The following ARSA variants were observed in gnomAD, a reference collection of about 807,000 sequenced individuals.
ARSA encodes cerebroside-sulfatase.
A neutral mutation model predicts 37.8 loss-of-function variants in ARSA; 32 were observed. The ratio of observed to expected loss-of-function variants is 0.85; its 90% confidence interval spans 0.64 to 1.14. The LOEUF is 1.14. ARSA is among the 50% of genes most tolerant of loss of function. The pLI, the probability that ARSA is intolerant of heterozygous loss-of-function variation, is 0.00. For synonymous variants in ARSA, 303 were observed against 303.4 expected (o/e 1.00, Z 0.01); for missense variants, 685 against 686.3 (o/e 1.00, Z 0.02).
rs1385065577 is a variant in ARSA, at chr22:50,626,849, C to T, written c.669G>A (p.Leu223=). 2 of 1,613,472 alleles carry T rather than the reference C, an allele frequency of 1.2e-6. No individual in the cohort carries two copies. The highest frequency in any genetic ancestry group is 1.7e-6 in the Non-Finnish European group (2 of 1,179,784). ...GATCACTTACGTGAGAGGCATAGTACAGGAAGAAGGGGCGATCCTGGCGCT... is the reference window on the plus strand; with the variant it reads ...GATCACTTACGTGAGAGGCATAGTATAGGAAGAAGGGGCGATCCTGGCGCT... ...DAQRQDRPFF[L]YYASHHTHYP... Residue 223 remains leucine, a synonymous_variant, in exon 3 of 8, where the codon CTG becomes CTA. Transcript: ENST00000216124.
rs2146717525 is a variant in ARSA at position 50,625,562 on chromosome 22, C to G, written c.1210+17G>C. On this transcript the variant is annotated intron_variant, in intron 7 of 7. Transcript: ENST00000216124. Reference sequence around the variant, plus strand: ...GGGTCAGCAGGTCGGGGGGAGGGATCCACGGGGAGGGGTTACCCTGGGTGA... The same window carrying G: ...GGGTCAGCAGGTCGGGGGGAGGGATGCACGGGGAGGGGTTACCCTGGGTGA... The G allele has an allele frequency of 6.2e-7, 1 of 1,612,058 alleles. No homozygotes were observed. The highest frequency in any genetic ancestry group is 2.2e-5 in the East Asian group (1 of 44,850).
chr22:50,626,493 C>T, intron 4 of ARSA, 98 bp downstream of exon 4: 3 of 1,572,004 alleles, frequency 1.9e-6, no homozygotes, highest in Non-Finnish European at 2.6e-6. Flanking sequence ...CCTGGCACCC[C>T]CTCACCCACT....
At chr22:50,626,569 C>T (rs377655776) in intron 4 of ARSA, 22 bp downstream of exon 4, 4 of 1,610,872 alleles carry the variant, frequency 2.5e-6, no homozygotes, top group African/African-American at 2.7e-5. Flanking sequence ...GGCCGGAGCA[C>T]CCAGCTGCCC....
In ARSA at chr22:50,625,944, T is replaced by A; in HGVS notation, c.1099A>T (p.Thr367Ser). ...GGGGTCACCGGCCCTACCTTGCCTG[T>A]GCCCAGCAGCAGGGGGCTGAGGTCA... Reference protein sequence around the residue: ...GFDLSPLLLGTGKSPRQSLFF... With the variant: ...GFDLSPLLLGSGKSPRQSLFF... Residue 367 changes from threonine to serine, a missense_variant, in exon 6 of 8, where the codon ACA (threonine) becomes TCA (serine). By Grantham distance (58) the Thr-to-Ser change is moderately conservative. Transcript: ENST00000216124. The A allele has an allele frequency of 6.4e-7, 1 of 1,572,238 alleles. No individual in the cohort carries two copies. The highest frequency in any genetic ancestry group is 8.6e-7 in the Non-Finnish European group (1 of 1,159,268).
Position 50,625,434 on chromosome 22 carries a change from G to A in ARSA, c.1241C>T (p.Pro414Leu). Residue 414 changes from proline to leucine, a missense_variant, in exon 8 of 8, where the codon CCT becomes CTT. Transcript: ENST00000216124. ...CAGAGAGCTGGAGGCGTGGCAGGCA[G>A]GGTCTGCAGTGGTATCACTGTGGGC... ...GSAHSDTTAD[P>L]ACHASSSLTA... 1 of 1,596,486 alleles carries A rather than the reference G, an allele frequency of 6.3e-7. No individual in the cohort carries two copies. Among genetic ancestry groups the A allele is most frequent in the Non-Finnish European group, 8.6e-7 (1 of 1,169,034 alleles).
chr22:50,625,299 T>C lies in ARSA; in HGVS notation c.1376A>G (p.Lys459Arg), dbSNP rs751615487. Residue 459 changes from lysine to arginine, a missense_variant, in exon 8 of 8, where the codon AAA (lysine) becomes AGA (arginine). Lys to Arg is a conservative substitution (Grantham distance 26). Transcript: ENST00000216124. ...CTGGGCCTTGAGCAGCTGAAGCTGT[T>C]TCAGGGCTTGCAGCACCTCTGGGGT... ...GATPEVLQALKQLQLLKAQLD... is the reference protein window; with the variant it reads ...GATPEVLQALRQLQLLKAQLD... 1 of 1,612,968 alleles carries C rather than the reference T, an allele frequency of 6.2e-7. No individual in the cohort carries two copies. The highest frequency in any genetic ancestry group is 1.1e-5 in the South Asian group (1 of 91,068).
Position 50,626,742 on chromosome 22 carries a change from A to G in ARSA, c.703T>C (p.Phe235Leu), listed in dbSNP as rs781658065. 6.2e-7 allele frequency: 1 copy of G among 1,613,608 alleles called. No homozygotes were observed. The highest frequency in any genetic ancestry group is 8.5e-7 in the Non-Finnish European group (1 of 1,179,652). Residue 235 changes from phenylalanine (F) to leucine (L), a missense_variant, in exon 4 of 8, where the codon TTC becomes CTC. Coordinates refer to ENST00000216124, the MANE Select transcript of ARSA (RefSeq NM_000487.6). ...CGCTCTGCAAAGCTCTGCCCACTGAACTGAGGGTAGTGGGTGTGCTGGGGG... is the reference window on the plus strand; with the variant it reads ...CGCTCTGCAAAGCTCTGCCCACTGAGCTGAGGGTAGTGGGTGTGCTGGGGG... ...YASHHTHYPQ[F>L]SGQSFAERSG...
At position 50,626,894 on chromosome 22, in the gene ARSA, A is replaced by T; in HGVS notation, c.624T>A (p.His208Gln). ...GGCGCTGGGCGTCGGCCATGAGGTC[A>T]TGGGCGAAAGCCATGTAGCGGGCCT... is the stretch of plus-strand genomic sequence containing the variant. ...GLEARYMAFAHDLMADAQRQD... is the reference protein window; with the variant it reads ...GLEARYMAFAQDLMADAQRQD... Residue 208 changes from histidine (H) to glutamine (Q), a missense_variant, in exon 3 of 8, where the codon CAT (histidine) becomes CAA (glutamine). His to Gln is a conservative substitution (Grantham distance 24, BLOSUM62 0). Transcript: ENST00000216124. 2 of 1,613,480 alleles carry T rather than the reference A, an allele frequency of 1.2e-6. No individual in the cohort carries two copies. Among genetic ancestry groups the T allele is most frequent in the Non-Finnish European group, 1.7e-6 (2 of 1,179,952 alleles).
At position 50,624,898 on chromosome 22, in the gene ARSA, C is replaced by G. The variant is rs1241564054; in HGVS notation, c.*247G>C. On this transcript the variant is annotated 3_prime_UTR_variant, in exon 8 of 8. Coordinates refer to ENST00000216124, the MANE Select transcript of ARSA (RefSeq NM_000487.6). Reference sequence around the variant, plus strand: ...ACGACACCAGGGTTCAAATCCCAGCCCAACCTCTTTCTGGCTGGGTGATCT... The same window carrying G: ...ACGACACCAGGGTTCAAATCCCAGCGCAACCTCTTTCTGGCTGGGTGATCT... 3 of 528,358 alleles carry G rather than the reference C, an allele frequency of 5.7e-6. No individual in the cohort carries two copies. Among genetic ancestry groups the G allele is most frequent in the African/African-American group, 1.9e-5 (1 of 52,258 alleles). 32.7% of individuals were successfully genotyped at this position (528,358 alleles called of 1,614,324 possible). A position where few individuals can be genotyped will look rare whatever the true frequency, so the allele number is the denominator to read the frequency against.
rs28940894 is a variant in ARSA at position 50,626,271 on chromosome 22, T to G, written c.862A>C (p.Thr288Pro). Residue 288 changes from threonine (T) to proline (P), a missense_variant, in exon 5 of 8, where the codon ACC becomes CCC. By Grantham distance (38) the Thr-to-Pro change is conservative. Coordinates refer to ENST00000216124, the MANE Select transcript of ARSA (RefSeq NM_000487.6). ...VIFTADNGPE[T>P]MRMSRGGCSG... ...CAGCCGCCTCGGGACATACGCATGG[T>G]CTCAGGTCTGGGACACAGGAGGCGC... is the stretch of plus-strand genomic sequence containing the variant. 3.5e-5 allele frequency: 56 copies of G among 1,612,682 alleles called. 1 individual carries two copies. In the South Asian group the frequency reaches 6.2e-4, roughly 18 times the overall value.
rs368163068 is a variant in ARSA, at chr22:50,625,530, C to A, written c.1210+49G>T. 77 of 1,510,608 alleles carry A rather than the reference C, an allele frequency of 5.1e-5. 1 individual carries two copies. The African/African-American group carries it at 1.2e-3, about 23-fold the overall frequency. 93.6% of individuals were successfully genotyped at this position (1,510,608 alleles called of 1,614,324 possible). A position where few individuals can be genotyped will look rare whatever the true frequency, so the allele number is the denominator to read the frequency against. ...AGGAGGGGCCAGGGATCTAGGGCTC[C>A]GGGGAGGGGTCAGCAGGTCGGGGGG... On this transcript the variant is annotated intron_variant, in intron 7 of 7. Coordinates refer to ENST00000216124, the MANE Select transcript of ARSA (RefSeq NM_000487.6).
In ARSA at chr22:50,627,382, G is replaced by C. The variant is rs748213971; in HGVS notation, c.249C>G (p.Leu83=). ...PSRAALLTGR[L]PVRMGMYPGV... ...CAGGGTACATGCCCATCCGAACCGG[G>C]AGCCGGCCGGTCAGGAGGGCGGCCC... The change falls in exon 2 of 8, where the codon CTC becomes CTG. Residue 83 remains leucine (L), a synonymous_variant. Transcript: ENST00000216124. 6.2e-7 allele frequency: 1 copy of C among 1,606,860 alleles called. No homozygotes were observed. Among genetic ancestry groups the C allele is most frequent in the Non-Finnish European group, 8.5e-7 (1 of 1,178,482 alleles).
rs2146722402 is a variant in ARSA, at chr22:50,626,695, C to T, written c.750G>A (p.Gly250=). The change falls in exon 4 of 8, where the codon GGG becomes GGA. Residue 250 remains glycine (G), a synonymous_variant. Transcript: ENST00000216124. ...CTGCATCCAGCTCCATCAGGGAGTC[C>T]CCAAATGGCCCGCGGCCTGAACGCT... ...FAERSGRGPF[G]DSLMELDAAV... 1 of 1,614,132 alleles carries T rather than the reference C, an allele frequency of 6.2e-7. No individual in the cohort carries two copies. The highest frequency in any genetic ancestry group is 8.5e-7 in the Non-Finnish European group (1 of 1,180,022).
At chr22:50,627,432 G>T (rs780525826) in intron 1 of ARSA, 26 bp from the exon 2 acceptor site, 14 of 1,607,714 alleles carry the variant, frequency 8.7e-6, no homozygotes, top group Admixed American at 3.3e-5. Context: ...CAGAGTCCCT[G>T]AGACAGACAG....
At position 50,627,871 on chromosome 22, in the gene ARSA, A is replaced by G. The variant is rs907169268; in HGVS notation, c.-92T>C. 25 of 1,306,874 alleles carry G rather than the reference A, an allele frequency of 1.9e-5. No individual in the cohort carries two copies. Among genetic ancestry groups the G allele is most frequent in the Non-Finnish European group, 2.6e-5 (25 of 957,298 alleles). The allele number at this position is 1,306,874 out of a possible 1,614,324, so 81.0% of individuals were successfully genotyped here. A position where few individuals can be genotyped will look rare whatever the true frequency, so the allele number is the denominator to read the frequency against. On this transcript the variant is annotated 5_prime_UTR_variant, in exon 1 of 8. Transcript: ENST00000216124. ...CAGACCCAGGCGCCGCCCTTCCCTG[A>G]GACCCCGGACCCAAATACTCCCCGA...
At position 50,624,977 on chromosome 22, in the gene ARSA, G is replaced by A. The variant is rs2082637806; in HGVS notation, c.*168C>T. The A allele has an allele frequency of 3.7e-6, 3 of 800,020 alleles. No individual in the cohort carries two copies. The highest frequency in any genetic ancestry group is 5.7e-6 in the Non-Finnish European group (3 of 530,040). 49.6% of individuals were successfully genotyped at this position (800,020 alleles called of 1,614,324 possible). A position where few individuals can be genotyped will look rare whatever the true frequency, so the allele number is the denominator to read the frequency against. ...CAGTTTCCTCATTCGTACCACAGGG[G>A]ACCGGCACCAGCACACAGCATTACC... On this transcript the variant is annotated 3_prime_UTR_variant, in exon 8 of 8. Transcript: ENST00000216124.
At position 50,627,740 on chromosome 22, in the gene ARSA, C is replaced by T. The variant is rs145157196; in HGVS notation, c.40G>A (p.Ala14Thr). ...GGACGGGCAACGGCCAGGCCAGCAG[C>T]CAGGGCCAGGAGGAGGGACCGCGGT... ...GAPRSLLLAL[A>T]AGLAVARPPN... is the part of the protein sequence containing the mutation. Residue 14 changes from alanine (A) to threonine (T), a missense_variant, in exon 1 of 8, where the codon GCT (alanine) becomes ACT (threonine). By Grantham distance (58) the Ala-to-Thr change is moderately conservative. Coordinates refer to ENST00000216124, the MANE Select transcript of ARSA (RefSeq NM_000487.6). 2.8e-4 allele frequency: 430 copies of T among 1,551,098 alleles called. 2 individuals are homozygous for T. The African/African-American group carries it at 5.3e-3, about 19-fold the overall frequency.
In ARSA at chr22:50,626,459, G is replaced by A. The variant is rs534934530; in HGVS notation, c.854+132C>T. 2.7e-6 allele frequency: 4 copies of A among 1,496,982 alleles called. No individual in the cohort carries two copies. In the East Asian group the frequency reaches 9.5e-5, roughly 36 times the overall value. 92.7% of individuals were successfully genotyped at this position (1,496,982 alleles called of 1,614,324 possible). A position where few individuals can be genotyped will look rare whatever the true frequency, so the allele number is the denominator to read the frequency against. ...ACTGTGTCTCCTGACTACACCTTGGGCCCCTGCAACGTGGCCAGCATCTCC... is the reference window on the plus strand; with the variant it reads ...ACTGTGTCTCCTGACTACACCTTGGACCCCTGCAACGTGGCCAGCATCTCC... On this transcript the variant is annotated intron_variant, in intron 4 of 7. Transcript: ENST00000216124.
Position 50,627,893 on chromosome 22 carries a change from C to T in ARSA, c.-114G>A. The T allele has an allele frequency of 9.4e-7, 1 of 1,063,926 alleles. No homozygotes were observed. The highest frequency in any genetic ancestry group is 2.5e-5 in the Admixed American group (1 of 39,708). 65.9% of individuals were successfully genotyped at this position (1,063,926 alleles called of 1,614,324 possible). A position where few individuals can be genotyped will look rare whatever the true frequency, so the allele number is the denominator to read the frequency against. On this transcript the variant is annotated 5_prime_UTR_variant, in exon 1 of 8. Transcript: ENST00000216124. ...CTGAGACCCCGGACCCAAATACTCC[C>T]CGACCCTGACGGCCGCCTCCTGAAG...
Sources: allele counts gnomAD v4.1 joint callset, GRCh38; gene constraint gnomAD v4.1.1; transcripts MANE v1.5; gene names NCBI Gene and HGNC (gene_info 2026-07-23, HGNC 2026-07-21).